ADCY7: variants seen among roughly 807,000 people sequenced by gnomAD.
The protein encoded by ADCY7 is adenylate cyclase 7.
A neutral mutation model predicts 120.6 loss-of-function variants in ADCY7; 72 were observed. The observed-to-expected ratio is 0.60, with a 90% CI of 0.49 to 0.73. ADCY7 has a LOEUF of 0.73. ADCY7 is among the 30% of genes least tolerant of loss of function. ADCY7 has a pLI of 0.00. For missense variants in ADCY7, 1,227 were observed against 1,486.0 expected, an observed-to-expected ratio of 0.83 and a Z score of 2.87; for synonymous variants, 661 against 628.0, an observed-to-expected ratio of 1.05 and a Z score of -0.78.
intron 1 of ADCY7, among the ~76,000 whole-genome samples, chr16:50,280,374 CAAA>C (rs35353793): frequency 5.9e-5 from 8 of 135,614 alleles, no homozygotes; most frequent in Non-Finnish European, 1.1e-4. Flanking sequence ...TTAATTTTTT[CAAA>C]AAAAAAAAAA....
intron 18 of ADCY7, among the ~76,000 whole-genome samples, chr16:50,310,036 G>A (rs530292024): frequency 1.3e-5 from 2 of 152,366 alleles, no homozygotes; most frequent in South Asian, 2.1e-4. Context: ...ACAGGCTGAT[G>A]GCAGAGGTCA....
intron 7 of ADCY7, among the ~76,000 whole-genome samples, chr16:50,296,295 C>T (rs1295298220): frequency 1.3e-5 from 2 of 152,008 alleles, no homozygotes; most frequent in East Asian, 1.9e-4. Flanking sequence ...TCAAGTGATC[C>T]ACCCACCTCA....
In ADCY7 at chr16:50,314,424, A is replaced by C. The variant is rs759379315; in HGVS notation, c.2971+18A>C. The C allele has an allele frequency of 1.2e-5, 19 of 1,605,018 alleles. No individual in the cohort carries two copies. In the South Asian group the frequency reaches 1.9e-4, roughly 16 times the overall value. On this transcript the variant is annotated intron_variant, in intron 24 of 25. Transcript: ENST00000673801. ...CCGCGTCGGTGAGCCCGGGTGATGG[A>C]GCGGGGTGGGGAGCCCCTGCCTCTA...
chr16:50,285,979 G>A (rs887685207), intron 1 of ADCY7, among the ~76,000 whole-genome samples: 4 of 152,154 alleles, frequency 2.6e-5, no homozygotes, highest in Admixed American at 2.6e-4. Flanking sequence ...AGCATGGCAA[G>A]TGTGGGGTCA....
rs779277173 is a variant in ADCY7 at position 50,313,918 on chromosome 16, T to TGGAGTGGCGGCTGC, written c.2752-39_2752-26dup. The stretch of plus-strand genomic sequence containing the variant: ...AGCAGGGGCAGCCTGGCTGCGGCTA[T>TGGAGTGGCGGCTGC]GGAGTGGCGGCTGCTTCACCGCTTC... On this transcript the variant is annotated intron_variant, in intron 22 of 25. Coordinates refer to ENST00000673801, the MANE Select transcript of ADCY7 (RefSeq NM_001114.5). 4.8e-4 allele frequency: 747 copies of TGGAGTGGCGGCTGC among 1,563,928 alleles called. 9 individuals carry two copies. The East Asian group carries it at 0.013, about 28-fold the overall frequency.
At chr16:50,301,045 G>A in intron 9 of ADCY7, 37 bp from the exon 10 acceptor site, 1 of 1,605,814 alleles carries the variant, frequency 6.2e-7, no homozygotes, top group Non-Finnish European at 8.5e-7. Context: ...AGCCCTCTCT[G>A]GGCCCCAAGG....
At chr16:50,291,956 G>T (rs375726060) in intron 4 of ADCY7, 59 bp downstream of exon 4, 20 of 1,515,904 alleles carry the variant, frequency 1.3e-5, no homozygotes, top group East Asian at 9.1e-5. Context: ...AAGGGCAGAT[G>T]GGGGGGCCCC....
At position 50,300,742 on chromosome 16, in the gene ADCY7, C is replaced by T. The variant is rs762861819; in HGVS notation, c.1104C>T (p.Asp368=). Residue 368 remains aspartate (D), a synonymous_variant, in exon 9 of 26, where the codon GAC becomes GAT. Transcript: ENST00000673801. ...AGGTGCGGGAGGCCACGGGCGTGGA[C>T]ATCAACATGCGTGTGGGCATACACT... ...IKQVREATGV[D]INMRVGIHSG... is the part of the protein sequence containing the mutation. 6.4e-7 allele frequency: 1 copy of T among 1,552,088 alleles called. No individual in the cohort carries two copies. The highest frequency in any genetic ancestry group is 2.4e-5 in the East Asian group (1 of 40,938).
chr16:50,277,081 C>T (rs773428525), intron 1 of ADCY7, among the ~76,000 whole-genome samples: 1 of 152,144 alleles, frequency 6.6e-6, no homozygotes. Context: ...TTATTTGTTC[C>T]AGGCATTGCC....
At chr16:50,273,738 G>C (rs1317117275) in intron 1 of ADCY7, among the ~76,000 whole-genome samples, 3 of 152,230 alleles carry the variant, frequency 2.0e-5, no homozygotes, top group Non-Finnish European at 4.4e-5. Context: ...CATGCAGTTG[G>C]GACTGGGGAT....
At position 50,287,956 on chromosome 16, in the gene ADCY7, G is replaced by C. The variant is rs988948068; in HGVS notation, c.-224G>C. The stretch of plus-strand genomic sequence containing the variant: ...GAGTCAGCCCAGTCTGGATGCACAG[G>C]AGGATGCTGGCGGCACAGTGAGTGA... On this transcript the variant is annotated 5_prime_UTR_variant, in exon 2 of 26. Transcript: ENST00000673801. The C allele has an allele frequency of 2.1e-6, 1 of 480,826 alleles. No individual in the cohort carries two copies. Among genetic ancestry groups the C allele is most frequent in the Non-Finnish European group, 3.6e-6 (1 of 274,634 alleles). 29.8% of individuals were successfully genotyped at this position (480,826 alleles called of 1,614,324 possible). A position where few individuals can be genotyped will look rare whatever the true frequency, so the allele number is the denominator to read the frequency against.
chr16:50,309,876 T>C lies in ADCY7; in HGVS notation c.2160+230T>C, dbSNP rs189880175. Among the ~76,000 whole-genome samples, 429 of 152,028 alleles carry C rather than the reference T, an allele frequency of 2.8e-3. 3 individuals are homozygous for C. Among genetic ancestry groups the C allele is most frequent in the Non-Finnish European group, 4.5e-3 (304 of 67,946 alleles). The stretch of plus-strand genomic sequence containing the variant: ...CTTGGCAGGCTTGGTCTAGGCTGTG[T>C]GGGTAGGCAGGGAGTGAGGGGAGCA... On this transcript the variant is annotated intron_variant, in intron 18 of 25. Transcript: ENST00000673801.
chr16:50,292,911 G>C lies in ADCY7; in HGVS notation c.687+86G>C. The C allele has an allele frequency of 2.6e-6, 4 of 1,512,130 alleles. No homozygotes were observed. The South Asian group carries it at 4.9e-5, about 19-fold the overall frequency. The allele number at this position is 1,512,130 out of a possible 1,614,324, so 93.7% of individuals were successfully genotyped here. Reference sequence around the variant, plus strand: ...ACATGAGACACTCATGCTGCCATGTGCATGAGGTGCATGGCCAGACACCCA... The same window carrying C: ...ACATGAGACACTCATGCTGCCATGTCCATGAGGTGCATGGCCAGACACCCA... On this transcript the variant is annotated intron_variant, in intron 5 of 25. Coordinates refer to ENST00000673801, the MANE Select transcript of ADCY7 (RefSeq NM_001114.5).
At chr16:50,251,862 C>T (rs993570841) in intron 1 of ADCY7, among the ~76,000 whole-genome samples, 1 of 152,224 alleles carries the variant, frequency 6.6e-6, no homozygotes, top group Non-Finnish European at 1.5e-5. Flanking sequence ...CCTTCCCCGG[C>T]CTGCTCCCCC....
chr16:50,275,917 ATTCATGG>A (rs1029340699), intron 1 of ADCY7, among the ~76,000 whole-genome samples: 5 of 152,178 alleles, frequency 3.3e-5, no homozygotes, highest in African/African-American at 1.2e-4. Flanking sequence ...AGCCCAGCCC[ATTCATGG>A]TTCTCTGCAG....
chr16:50,316,807 CG>C lies in ADCY7; in HGVS notation c.*1304del, dbSNP rs1258825767. 2.0e-5 allele frequency: 3 copies of C among 152,318 alleles called. No individual in the cohort carries two copies. Among genetic ancestry groups the C allele is most frequent in the Non-Finnish European group, 2.9e-5 (2 of 68,044 alleles). The allele number at this position is 152,318 out of a possible 1,614,324, so 9.4% of individuals were successfully genotyped here. A position where few individuals can be genotyped will look rare whatever the true frequency, so the allele number is the denominator to read the frequency against. On this transcript the variant is annotated 3_prime_UTR_variant, in exon 26 of 26. Coordinates refer to ENST00000673801, the MANE Select transcript of ADCY7 (RefSeq NM_001114.5). ...ACTTTTTCTGAATGGACTTCATAACCGGAAGACTTAACCGGTGGCCTCATCA... is the reference window on the plus strand; with the variant it reads ...ACTTTTTCTGAATGGACTTCATAACCGAAGACTTAACCGGTGGCCTCATCA...
chr16:50,304,814 A>G, intron 11 of ADCY7, 111 bp from the exon 12 acceptor site: 3 of 1,456,404 alleles, frequency 2.1e-6, no homozygotes, highest in Non-Finnish European at 1.9e-6. Context: ...GACGACCCCG[A>G]CACCTTGTCC....
At position 50,309,455 on chromosome 16, in the gene ADCY7, G is replaced by A. The variant is rs370451047; in HGVS notation, c.2062-93G>A. ...CCAACGTGAAACCTCAGGCTGCTGT[G>A]ATACTCATGGTTGCCTGGGGCCCAC... On this transcript the variant is annotated intron_variant, in intron 17 of 25. Coordinates refer to ENST00000673801, the MANE Select transcript of ADCY7 (RefSeq NM_001114.5). 96 of 1,011,322 alleles carry A rather than the reference G, an allele frequency of 9.5e-5. No individual in the cohort carries two copies. The African/African-American group carries it at 1.3e-3, about 14-fold the overall frequency. 62.6% of individuals were successfully genotyped at this position (1,011,322 alleles called of 1,614,324 possible). A position where few individuals can be genotyped will look rare whatever the true frequency, so the allele number is the denominator to read the frequency against.
chr16:50,250,221 C>T (rs560606464), intron 1 of ADCY7, among the ~76,000 whole-genome samples: 5 of 152,048 alleles, frequency 3.3e-5, no homozygotes, highest in African/African-American at 7.2e-5. Flanking sequence ...ACTGGGAGGC[C>T]GAGGCGGGCG....
Sources: allele counts gnomAD v4.1 joint callset (sites outside exome capture counted in the v4.1 genomes callset), GRCh38; gene constraint gnomAD v4.1.1; transcripts MANE v1.5; gene names NCBI Gene and HGNC (gene_info 2026-07-23, HGNC 2026-07-21).